The following ADAMTS19 variants were observed in gnomAD, a reference collection of about 807,000 sequenced individuals.
ADAMTS19 encodes the protein A disintegrin and metalloproteinase with thrombospondin motifs 19.
In ADAMTS19, 93 loss-of-function variants were observed where a neutral mutation model predicts 153.3. That is an observed-to-expected ratio of 0.61 (90% CI 0.51 to 0.72). The LOEUF is 0.72. Ranked by LOEUF, ADAMTS19 falls within the 30% of genes least tolerant of loss-of-function variation. The probability of loss-of-function intolerance (pLI) is 0.00; values close to 1 mark genes in which losing one functional copy is unlikely to be tolerated. For synonymous variants in ADAMTS19, 600 were observed against 556.6 expected, an observed-to-expected ratio of 1.08 and a Z score of -1.10; for missense variants, 1,482 against 1,552.1, an observed-to-expected ratio of 0.95 and a Z score of 0.76.
At chr5:129,582,873 A>G (rs1241610814) in intron 7 of ADAMTS19, among the ~76,000 whole-genome samples, 1 of 151,858 alleles carries the variant, frequency 6.6e-6, no homozygotes, top group Non-Finnish European at 1.5e-5. Flanking sequence ...TGCCCGGCCC[A>G]GTCTGTCTTT....
intron 21 of ADAMTS19, among the ~76,000 whole-genome samples, chr5:129,734,097 A>G (rs1757564306): frequency 6.6e-6 from 1 of 151,880 alleles, no homozygotes; most frequent in South Asian, 2.1e-4. Flanking sequence ...AAAATCAAAT[A>G]TTGCATGTTC....
chr5:129,674,231 CAA>C (rs34995544), intron 16 of ADAMTS19, among the ~76,000 whole-genome samples: 107,916 of 148,440 alleles, frequency 0.73, 39,520 homozygotes, highest in Non-Finnish European at 0.8. Context: ...AACTCCATCT[CAA>C]AAAAAAAAAA....
intron 13 of ADAMTS19, among the ~76,000 whole-genome samples, chr5:129,651,317 C>T (rs1753305361): frequency 6.6e-6 from 1 of 152,058 alleles, no homozygotes; most frequent in African/African-American, 2.4e-5. Flanking sequence ...TGATCATAAC[C>T]CTTCCTATTC....
intron 20 of ADAMTS19, among the ~76,000 whole-genome samples, chr5:129,702,311 A>G (rs892202229): frequency 7.9e-5 from 12 of 152,328 alleles, no homozygotes; most frequent in Admixed American, 6.5e-4. Context: ...CTTTAGGTGA[A>G]GGTCTGGCTG....
intron 6 of ADAMTS19, among the ~76,000 whole-genome samples, chr5:129,545,729 G>T (rs1752831460): frequency 6.6e-6 from 1 of 150,750 alleles, no homozygotes; most frequent in African/African-American, 2.5e-5. Flanking sequence ...TAAAAAGTCA[G>T]GCAACAACAG....
chr5:129,665,208 GTT>G (rs34474416), intron 15 of ADAMTS19, among the ~76,000 whole-genome samples: 1 of 146,086 alleles, frequency 6.8e-6, no homozygotes, highest in Non-Finnish European at 1.5e-5. Flanking sequence ...GTTCCACTGG[GTT>G]TTTTTTTTTC....
intron 17 of ADAMTS19, among the ~76,000 whole-genome samples, chr5:129,681,391 GGT>G (rs1202603360): frequency 6.6e-6 from 1 of 152,070 alleles, no homozygotes; most frequent in Admixed American, 6.5e-5. Flanking sequence ...CAAGGTGAGT[GGT>G]GTGTGTACCT....
At chr5:129,658,303 GAAAGAAAA>G (rs1753636230) in intron 14 of ADAMTS19, among the ~76,000 whole-genome samples, 1 of 101,352 alleles carries the variant, frequency 9.9e-6, no homozygotes, top group African/African-American at 4.4e-5. Flanking sequence ...AAGAAAGAAA[GAAAGAAAA>G]AGAAAGAAAG....
chr5:129,488,903 A>C (rs999882492), intron 2 of ADAMTS19, among the ~76,000 whole-genome samples: 1 of 152,040 alleles, frequency 6.6e-6, no homozygotes, highest in African/African-American at 2.4e-5. Context: ...TCATCTTAGC[A>C]TACGTTGGGA....
intron 2 of ADAMTS19, among the ~76,000 whole-genome samples, chr5:129,488,327 A>G (rs1750662234): frequency 6.6e-6 from 1 of 152,084 alleles, no homozygotes; most frequent in African/African-American, 2.4e-5. Context: ...GGAAAGAGTC[A>G]CTTTAATTTC....
In ADAMTS19 at chr5:129,625,513, T is replaced by C. The variant is rs559634476; in HGVS notation, c.1770+3165T>C. Among the ~76,000 whole-genome samples the C allele has an allele frequency of 1.1e-3, 164 of 152,312 alleles. 1 individual carries two copies. Among genetic ancestry groups the C allele is most frequent in the African/African-American group, 3.8e-3 (156 of 41,578 alleles). On this transcript the variant is annotated intron_variant, in intron 10 of 22. Transcript: ENST00000274487. ...TCCAGCACCTGTTGTTTCCTTACTT[T>C]TTAATGATTGCCATTCTAACTGGTG...
chr5:129,603,691 T>G (rs1027587403), intron 8 of ADAMTS19, among the ~76,000 whole-genome samples: 1 of 152,204 alleles, frequency 6.6e-6, no homozygotes, highest in African/African-American at 2.4e-5. Flanking sequence ...AATCTGGACA[T>G]TTATTGAAGT....
At chr5:129,522,192 A>T (rs566408547) in intron 3 of ADAMTS19, among the ~76,000 whole-genome samples, 176 of 148,164 alleles carry the variant, frequency 1.2e-3, no homozygotes, top group African/African-American at 3.5e-3. Context: ...GTTGAAAAAA[A>T]ATATATATAT....
intron 2 of ADAMTS19, among the ~76,000 whole-genome samples, chr5:129,507,039 T>C (rs1216045550): frequency 6.6e-6 from 1 of 152,024 alleles, no homozygotes; most frequent in Non-Finnish European, 1.5e-5. Flanking sequence ...AGTCATTAAA[T>C]TTTATGTGAT....
chr5:129,654,415 T>C lies in ADAMTS19; in HGVS notation c.2286T>C (p.Cys762=). The stretch of plus-strand genomic sequence containing the variant: ...GTGGCTATCAGGGATTAGATATCTG[T>C]GCAAATGGCAGGTGCCAGGTAAGAC... The part of the protein sequence containing the change: ...TSCGYQGLDI[C]ANGRCQKVGC... Residue 762 remains cysteine, a synonymous_variant, in exon 14 of 23, where the codon TGT becomes TGC. Transcript: ENST00000274487. 1.2e-6 allele frequency: 2 copies of C among 1,608,912 alleles called. No homozygotes were observed. Among genetic ancestry groups the C allele is most frequent in the South Asian group, 1.1e-5 (1 of 89,680 alleles).
chr5:129,573,604 T>G (rs1215064873), intron 7 of ADAMTS19, among the ~76,000 whole-genome samples: 6 of 152,090 alleles, frequency 3.9e-5, no homozygotes, highest in Non-Finnish European at 8.8e-5. Flanking sequence ...TTTCCTATGG[T>G]TCACAAGAAA....
chr5:129,583,516 G>T (rs1046289150), intron 7 of ADAMTS19, among the ~76,000 whole-genome samples: 28 of 152,068 alleles, frequency 1.8e-4, no homozygotes, highest in Non-Finnish European at 3.4e-4. Context: ...TTCCAAGTTG[G>T]TCCCATTCTC....
intron 18 of ADAMTS19, among the ~76,000 whole-genome samples, chr5:129,689,122 A>T (rs1429270809): frequency 1.3e-5 from 2 of 152,208 alleles, no homozygotes; most frequent in African/African-American, 4.8e-5. Context: ...ATAACCCCTT[A>T]TGAAACACAT....
intron 6 of ADAMTS19, 97 bp from the exon 7 acceptor site, chr5:129,551,767 C>G: frequency 1.4e-6 from 1 of 690,004 alleles, no homozygotes; most frequent in Non-Finnish European, 2.4e-6. Flanking sequence ...GACAGATGTG[C>G]TTCAATTAAT....
Sources: gnomAD v4.1 joint callset for allele counts (sites outside exome capture counted in the v4.1 genomes callset) on GRCh38, gnomAD v4.1.1 for gene constraint, MANE v1.5 for transcripts, NCBI Gene and HGNC (gene_info 2026-07-23, HGNC 2026-07-21) for gene names.